The following RPRD1A variants were observed in gnomAD, a reference collection of about 807,000 sequenced individuals.
RPRD1A encodes regulation of nuclear pre-mRNA domain containing 1A, also known as regulation of nuclear pre-mRNA domain-containing protein 1A.
Under a neutral mutation model 37.8 loss-of-function variants are expected in RPRD1A, and 9 were observed. The ratio of observed to expected loss-of-function variants is 0.24; its 90% confidence interval spans 0.14 to 0.42. The LOEUF is 0.42. RPRD1A is among the 10% of genes least tolerant of loss of function. The pLI is 1.00. For synonymous variants in RPRD1A, 138 were observed against 139.7 expected (o/e 0.99, Z 0.08); for missense variants, 255 against 371.0 (o/e 0.69, Z 2.57).
intron 6 of RPRD1A, among the ~76,000 whole-genome samples, chr18:36,003,412 A>AAC (rs1321343355): frequency 6.6e-6 from 1 of 152,246 alleles, no homozygotes; most frequent in East Asian, 1.9e-4. Flanking sequence ...TAACTTTGGA[A>AAC]AATCAAAATA....
At chr18:36,031,253 T>A (rs978955173) in intron 2 of RPRD1A, among the ~76,000 whole-genome samples, 156 bp from the exon 3 acceptor site, 1 of 152,166 alleles carries the variant, frequency 6.6e-6, no homozygotes, top group Non-Finnish European at 1.5e-5. Flanking sequence ...GGCCAGCAGC[T>A]CAAAAGTGAA....
At chr18:36,008,012 G>A (rs1340668989) in intron 6 of RPRD1A, among the ~76,000 whole-genome samples, 1 of 151,734 alleles carries the variant, frequency 6.6e-6, no homozygotes, top group Non-Finnish European at 1.5e-5. Context: ...AGGAGGCTGA[G>A]ACACAACTGC....
chr18:36,009,123 G>A (rs1191520090), intron 6 of RPRD1A, among the ~76,000 whole-genome samples: 4 of 151,598 alleles, frequency 2.6e-5, no homozygotes, highest in Non-Finnish European at 4.4e-5. Flanking sequence ...CTTATGTATT[G>A]TCTTTCCAAA....
chr18:35,994,785 T>C (rs1321800791), intron 6 of RPRD1A, among the ~76,000 whole-genome samples: 2 of 152,142 alleles, frequency 1.3e-5, no homozygotes, highest in Admixed American at 1.3e-4. Flanking sequence ...ATCTACAACG[T>C]TTCTCAATCA....
intron 6 of RPRD1A, among the ~76,000 whole-genome samples, chr18:36,020,273 A>T (rs1910906602): frequency 6.6e-6 from 1 of 152,194 alleles, no homozygotes; most frequent in Non-Finnish European, 1.5e-5. Context: ...CCATATAACT[A>T]AAAGATGGAA....
At chr18:36,025,767 G>A (rs111948821) in intron 6 of RPRD1A, 3 of 546,370 alleles carry the variant, frequency 5.5e-6, no homozygotes, top group Non-Finnish European at 8.4e-6. Flanking sequence ...TTAATTCTGT[G>A]GACAATAAAA....
At chr18:36,063,657 G>A (rs1391592764) in intron 1 of RPRD1A, among the ~76,000 whole-genome samples, 1 of 152,118 alleles carries the variant, frequency 6.6e-6, no homozygotes, top group African/African-American at 2.4e-5. Context: ...TTCAAGATAT[G>A]GTAAAATAAC....
At position 35,998,048 on chromosome 18, in the gene RPRD1A, G is replaced by C. The variant is rs147928746; in HGVS notation, c.790-4748C>G. ...GGTTGGTTGTGCTCATTTTCGTTTT[G>C]ATTCACACATCAAAATAAACGTAAC... On this transcript the variant is annotated intron_variant, in intron 6 of 6. Coordinates refer to ENST00000399022, the MANE Select transcript of RPRD1A (RefSeq NM_018170.5). Among the ~76,000 whole-genome samples, 68 of 152,194 alleles carry C rather than the reference G, an allele frequency of 4.5e-4. 1 individual carries two copies. Among genetic ancestry groups the C allele is most frequent in the African/African-American group, 1.6e-3 (66 of 41,506 alleles).
At chr18:36,029,157 G>A (rs757919089) in intron 4 of RPRD1A, among the ~76,000 whole-genome samples, 1 of 152,182 alleles carries the variant, frequency 6.6e-6, no homozygotes, top group African/African-American at 2.4e-5. Context: ...TCCTATCACT[G>A]AACAAACAGG....
intron 1 of RPRD1A, among the ~76,000 whole-genome samples, chr18:36,038,666 G>C (rs530280967): frequency 2.0e-4 from 30 of 152,338 alleles, no homozygotes; most frequent in African/African-American, 7.0e-4. Flanking sequence ...CAGAATGGTA[G>C]ATCCACAGAC....
In RPRD1A at chr18:36,027,307, G is replaced by A; in HGVS notation, c.490C>T (p.Leu164=). 6.2e-7 allele frequency: 1 copy of A among 1,613,752 alleles called. No homozygotes were observed. Among genetic ancestry groups the A allele is most frequent in the Non-Finnish European group, 8.5e-7 (1 of 1,179,780 alleles). ...LGSPSEPPQT[L]DLVRALQDLE... is the part of the protein sequence containing the mutation. ...TCTTGTAATGCTCTAACGAGATCTA[G>A]AGTCTAAAAAGTACACAACTTCAGA... The change falls in exon 5 of 7, where the codon CTA becomes TTA. Residue 164 remains leucine, a synonymous_variant. Coordinates refer to ENST00000399022, the MANE Select transcript of RPRD1A (RefSeq NM_018170.5).
chr18:36,032,550 A>C (rs1911870942), intron 2 of RPRD1A, among the ~76,000 whole-genome samples: 1 of 152,196 alleles, frequency 6.6e-6, no homozygotes, highest in South Asian at 2.1e-4. Context: ...AAGTATTATG[A>C]CCAGCTCTGC....
chr18:36,042,082 G>A (rs1435876241), intron 1 of RPRD1A, among the ~76,000 whole-genome samples: 2 of 152,022 alleles, frequency 1.3e-5, no homozygotes, highest in Non-Finnish European at 2.9e-5. Context: ...TGAACCAAAG[G>A]CCTTAAACAA....
chr18:36,061,332 G>A (rs1027875597), intron 1 of RPRD1A, among the ~76,000 whole-genome samples: 1 of 152,210 alleles, frequency 6.6e-6, no homozygotes, highest in Non-Finnish European at 1.5e-5. Context: ...AATACAGGGT[G>A]AGTAAACATA....
chr18:36,031,303 T>C (rs1188232996), intron 2 of RPRD1A, among the ~76,000 whole-genome samples: 1 of 152,158 alleles, frequency 6.6e-6, no homozygotes, highest in Non-Finnish European at 1.5e-5. Flanking sequence ...AAACATTTTA[T>C]AAACATATTA....
intron 4 of RPRD1A, 50 bp downstream of exon 4, chr18:36,030,758 G>T: frequency 9.2e-7 from 1 of 1,085,272 alleles, no homozygotes; most frequent in Non-Finnish European, 1.4e-6. Flanking sequence ...AAGCTTGGTG[G>T]CAACATGAAG....
chr18:36,009,144 G>A (rs1910008517), intron 6 of RPRD1A, among the ~76,000 whole-genome samples: 1 of 152,054 alleles, frequency 6.6e-6, no homozygotes, highest in Admixed American at 6.5e-5. Context: ...AATGCTTAGT[G>A]GTTCAACCAC....
chr18:36,000,039 A>AAC (rs144460640), intron 6 of RPRD1A, among the ~76,000 whole-genome samples: 4 of 152,108 alleles, frequency 2.6e-5, no homozygotes, highest in African/African-American at 9.7e-5. Context: ...ATCAAGATAT[A>AAC]ACACACACAC....
rs201194752 is a variant in RPRD1A, at chr18:36,008,575, G to GTATATATATATA, written c.790-15276_790-15275insTATATATATATA. On this transcript the variant is annotated intron_variant, in intron 6 of 6. Coordinates refer to ENST00000399022, the MANE Select transcript of RPRD1A (RefSeq NM_018170.5). The stretch of plus-strand genomic sequence containing the variant: ...TGGGCGACACAGCAAGACCTTGTGT[G>GTATATATATATA]TGTATATATATATATCTTTAAAAAT... Among the ~76,000 whole-genome samples the GTATATATATATA allele has an allele frequency of 4.5e-3, 192 of 42,382 alleles. 26 individuals carry two copies. The highest frequency in any genetic ancestry group is 0.015 in the African/African-American group (177 of 11,594). 27.8% of individuals were successfully genotyped at this position (42,382 alleles called of 152,430 possible). A position where few individuals can be genotyped will look rare whatever the true frequency, so the allele number is the denominator to read the frequency against.
Sources: gnomAD v4.1 joint callset for allele counts (sites outside exome capture counted in the v4.1 genomes callset) on GRCh38, gnomAD v4.1.1 for gene constraint, MANE v1.5 for transcripts, NCBI Gene and HGNC (gene_info 2026-07-23, HGNC 2026-07-21) for gene names.